Variants in PARP8 observed in about 807,000 individuals in gnomAD.
PARP8 encodes the protein protein mono-ADP-ribosyltransferase PARP8.
PARP8 carries 51 observed loss-of-function variants against 124.1 expected under a neutral mutation model. The observed-to-expected ratio is 0.41, with a 90% CI of 0.33 to 0.52. The LOEUF is 0.52. PARP8 is among the 20% of genes least tolerant of loss of function. The pLI, the probability that PARP8 is intolerant of heterozygous loss-of-function variation, is 0.21. For synonymous variants in PARP8, 391 were observed against 361.5 expected (o/e 1.08, Z -0.93); for missense variants, 860 against 1,018.9 (o/e 0.84, Z 2.12).
chr5:50,819,427 C>CT (rs34347134), intron 15 of PARP8, among the ~76,000 whole-genome samples: 1,900 of 46,670 alleles, frequency 0.041, 328 homozygotes, highest in South Asian at 0.046. Flanking sequence ...ATTTTATCTT[C>CT]TTTTTTTTTT....
chr5:50,667,502 G>T, intron 1 of PARP8: 1 of 697,870 alleles, frequency 1.4e-6, no homozygotes. Flanking sequence ...CTCCAAGCAC[G>T]CTTCCTGGGT....
chr5:50,792,659 T>A (rs1742094203), intron 10 of PARP8, among the ~76,000 whole-genome samples: 4 of 152,112 alleles, frequency 2.6e-5, no homozygotes, highest in Admixed American at 2.6e-4. Flanking sequence ...TTATTACATT[T>A]AAATCCTGCT....
chr5:50,727,328 C>G (rs1756527380), intron 2 of PARP8, among the ~76,000 whole-genome samples: 2 of 151,992 alleles, frequency 1.3e-5, no homozygotes, highest in Non-Finnish European at 1.5e-5. Flanking sequence ...TGGAGTGTAC[C>G]CAGTCCCCGC....
At chr5:50,808,033 C>G (rs1270318786) in intron 14 of PARP8, among the ~76,000 whole-genome samples, 1 of 151,846 alleles carries the variant, frequency 6.6e-6, no homozygotes, top group Non-Finnish European at 1.5e-5. Flanking sequence ...CGGCATTAAG[C>G]AGATGTTTGT....
Position 50,795,013 on chromosome 5 carries a change from C to A in PARP8, c.1024C>A (p.Arg342Ser). 2 of 1,614,154 alleles carry A rather than the reference C, an allele frequency of 1.2e-6. No individual in the cohort carries two copies. The highest frequency in any genetic ancestry group is 1.7e-6 in the Non-Finnish European group (2 of 1,180,022). Residue 342 changes from arginine to serine, a missense_variant, in exon 12 of 26, where the codon CGC becomes AGC. Around this residue, in one of 2 missense-constraint regions of PARP8, gnomAD observed 517 missense variants for 544.2 expected, o/e 0.95. Transcript: ENST00000281631. The part of the protein sequence containing the change: ...CVTKSHRTFG[R>S]SLSSDPRAEQ... ...CACAAAGTCACACAGGACCTTTGGCCGCTCCTTGTCCAGCGATCCCAGGGC... is the reference window on the plus strand; with the variant it reads ...CACAAAGTCACACAGGACCTTTGGCAGCTCCTTGTCCAGCGATCCCAGGGC...
chr5:50,720,797 G>T (rs1480566195), intron 2 of PARP8, among the ~76,000 whole-genome samples: 1 of 151,972 alleles, frequency 6.6e-6, no homozygotes, highest in Non-Finnish European at 1.5e-5. Context: ...CTTTTGAGCT[G>T]ACCTTTGCTC....
chr5:50,780,036 A>G (rs1466198699), intron 9 of PARP8, among the ~76,000 whole-genome samples: 1 of 152,208 alleles, frequency 6.6e-6, no homozygotes, highest in Non-Finnish European at 1.5e-5. Flanking sequence ...GGAATTTCTC[A>G]TAATTCTTGT....
rs143874103 is a variant in PARP8 at position 50,783,938 on chromosome 5, A to G, written c.671-4585A>G. ...TTTAGTATGTTAGCTGTTGATAGCT[A>G]GTGGGTTCAATTCATGCAAAAGTCT... On this transcript the variant is annotated intron_variant, in intron 9 of 25. Transcript: ENST00000281631. Among the ~76,000 whole-genome samples the G allele has an allele frequency of 3.3e-4, 50 of 152,258 alleles. 1 individual carries two copies. In the East Asian group the frequency reaches 7.1e-3, roughly 22 times the overall value.
chr5:50,779,635 A>G (rs1161615649), intron 9 of PARP8, among the ~76,000 whole-genome samples: 4 of 152,234 alleles, frequency 2.6e-5, no homozygotes, highest in Non-Finnish European at 5.9e-5. Context: ...CTTTCATTGT[A>G]TTCTGTTGAT....
chr5:50,679,941 CA>C (rs1300187795), intron 2 of PARP8, among the ~76,000 whole-genome samples: 6 of 152,114 alleles, frequency 3.9e-5, no homozygotes, highest in Non-Finnish European at 8.8e-5. Context: ...AAATTACGGT[CA>C]AATTGTCCTA....
intron 25 of PARP8, among the ~76,000 whole-genome samples, chr5:50,839,238 G>C (rs1037230713): frequency 2.6e-5 from 4 of 151,746 alleles, no homozygotes; most frequent in African/African-American, 9.7e-5. Flanking sequence ...ACACTCCTGG[G>C]AATATGAATA....
intron 17 of PARP8, among the ~76,000 whole-genome samples, chr5:50,823,384 C>T (rs183571169): frequency 6.6e-6 from 1 of 152,196 alleles, no homozygotes; most frequent in African/African-American, 2.4e-5. Flanking sequence ...TTCATTCACT[C>T]AATAAATAGT....
At chr5:50,684,570 A>G (rs1452571503) in intron 2 of PARP8, among the ~76,000 whole-genome samples, 1 of 152,084 alleles carries the variant, frequency 6.6e-6, no homozygotes, top group African/African-American at 2.4e-5. Context: ...AAAGGATAAA[A>G]TGCCTAAGTC....
chr5:50,694,674 AACT>A (rs1190865727), intron 2 of PARP8, among the ~76,000 whole-genome samples: 1 of 152,130 alleles, frequency 6.6e-6, no homozygotes, highest in Non-Finnish European at 1.5e-5. Context: ...AGAAGGACGG[AACT>A]AATAGATGTA....
At chr5:50,763,343 A>C (rs749836269) in intron 7 of PARP8, 101 bp downstream of exon 7, 3 of 849,858 alleles carry the variant, frequency 3.5e-6, no homozygotes, top group South Asian at 1.5e-5. Context: ...TTTTAATTGT[A>C]TTTTAAAGTG....
intron 2 of PARP8, among the ~76,000 whole-genome samples, chr5:50,687,167 G>A (rs1357568176): frequency 6.6e-6 from 1 of 152,144 alleles, no homozygotes; most frequent in Non-Finnish European, 1.5e-5. Context: ...CATCTTGAAT[G>A]CTTTGCTGCT....
Position 50,843,063 on chromosome 5 carries a change from C to G in PARP8, c.*995C>G, listed in dbSNP as rs1748334840. The stretch of plus-strand genomic sequence containing the variant: ...ATTTTTATATTTGTTCATCTAATAT[C>G]TCTGCTTATTTTTTTCATATTGAGA... On this transcript the variant is annotated 3_prime_UTR_variant, in exon 26 of 26. Coordinates refer to ENST00000281631, the MANE Select transcript of PARP8 (RefSeq NM_024615.4). 1 of 148,358 alleles carries G rather than the reference C, an allele frequency of 6.7e-6. No individual in the cohort carries two copies. The highest frequency in any genetic ancestry group is 6.9e-5 in the Admixed American group (1 of 14,580). 9.2% of individuals were successfully genotyped at this position (148,358 alleles called of 1,614,324 possible).
At chr5:50,667,541 T>C (rs1749449911) in intron 1 of PARP8, 1 of 699,920 alleles carries the variant, frequency 1.4e-6, no homozygotes, top group Non-Finnish European at 2.6e-6. Context: ...GCGGGGTTGG[T>C]TTGCGCAATG....
At chr5:50,828,183 A>G (rs1746553512) in intron 20 of PARP8, 127 bp downstream of exon 20, 1 of 1,118,610 alleles carries the variant, frequency 8.9e-7, no homozygotes, top group East Asian at 2.4e-5. Flanking sequence ...ATGGTCATGT[A>G]GTCAACTACA....
Sources: allele counts gnomAD v4.1 joint callset (sites outside exome capture counted in the v4.1 genomes callset), GRCh38; gene constraint gnomAD v4.1.1; regional missense constraint gnomAD v4.1.1; transcripts MANE v1.5; gene names NCBI Gene and HGNC (gene_info 2026-07-23, HGNC 2026-07-21).